The following AJAP1 variants were observed in gnomAD, a reference collection of about 807,000 sequenced individuals.
AJAP1 encodes adherens junctions associated protein 1.
Under a neutral mutation model 35.0 loss-of-function variants are expected in AJAP1, and 5 were observed. The ratio of observed to expected loss-of-function variants is 0.14; its 90% CI spans 0.07 to 0.30. The LOEUF is 0.30. Among genes scored for constraint, AJAP1 ranks in the 10% least tolerant of loss-of-function variants. The pLI is 1.00. For missense variants in AJAP1, 586 were observed against 571.0 expected, an observed-to-expected ratio of 1.03 and a Z score of -0.27; for synonymous variants, 284 against 249.3, an observed-to-expected ratio of 1.14 and a Z score of -1.31.
chr1:4,706,487 C>T (rs1315876447), intron 1 of AJAP1, among the ~76,000 whole-genome samples: 1 of 152,184 alleles, frequency 6.6e-6, no homozygotes, highest in African/African-American at 2.4e-5. Flanking sequence ...ACGACAGGAC[C>T]TGGAGGAGTC....
chr1:4,774,535 C>T lies in AJAP1; in HGVS notation c.*36C>T, dbSNP rs1234713630. 6 of 1,595,094 alleles carry T rather than the reference C, an allele frequency of 3.8e-6. No homozygotes were observed. Among genetic ancestry groups the T allele is most frequent in the Non-Finnish European group, 5.2e-6 (6 of 1,163,354 alleles). On this transcript the variant is annotated 3_prime_UTR_variant, in exon 5 of 6. Coordinates refer to ENST00000378191, the MANE Select transcript of AJAP1 (RefSeq NM_018836.4). ...TCTTTTTTACCTCCTGGGGGCAGGG[C>T]AGACGCCGTGTGTCTGTTTCACGGT...
chr1:4,771,965 G>A (rs1264183939), intron 3 of AJAP1, among the ~76,000 whole-genome samples: 1 of 152,152 alleles, frequency 6.6e-6, no homozygotes, highest in Non-Finnish European at 1.5e-5. Context: ...AACTGAGTCA[G>A]CACCATGGTC....
intron 2 of AJAP1, among the ~76,000 whole-genome samples, chr1:4,742,209 A>G (rs941342600): frequency 2.0e-5 from 3 of 148,636 alleles, no homozygotes; most frequent in African/African-American, 4.9e-5. Context: ...CTTTGCAGGC[A>G]CCTCTGCCCC....
chr1:4,764,876 A>G (rs1641646518), intron 2 of AJAP1, among the ~76,000 whole-genome samples: 1 of 152,128 alleles, frequency 6.6e-6, no homozygotes, highest in African/African-American at 2.4e-5. Flanking sequence ...ATTCAGCTTC[A>G]TTTAATAAGA....
At chr1:4,718,773 G>A (rs963213130) in intron 2 of AJAP1, among the ~76,000 whole-genome samples, 1 of 152,088 alleles carries the variant, frequency 6.6e-6, no homozygotes, top group African/African-American at 2.4e-5. Flanking sequence ...GAGCCACCAC[G>A]CCCGGCCTCC....
rs928574703 is a variant in AJAP1 at position 4,698,725 on chromosome 1, C to A, written c.30-13175C>A. On this transcript the variant is annotated intron_variant, in intron 1 of 5. Coordinates refer to ENST00000378191, the MANE Select transcript of AJAP1 (RefSeq NM_018836.4). The stretch of plus-strand genomic sequence containing the variant: ...TCTAGCTCCTTCTGTAATTTCAGTT[C>A]TTTTATAAGGCCCACCCCTGGCCAT... Among the ~76,000 whole-genome samples, 8 of 152,182 alleles carry A rather than the reference C, an allele frequency of 5.3e-5. No homozygotes were observed. The East Asian group carries it at 7.7e-4, about 15-fold the overall frequency.
chr1:4,727,036 C>T (rs1210916125), intron 2 of AJAP1, among the ~76,000 whole-genome samples: 1 of 152,214 alleles, frequency 6.6e-6, no homozygotes, highest in African/African-American at 2.4e-5. Context: ...GGCCACCCCC[C>T]GCAGCGAGCC....
At chr1:4,674,042 CA>C (rs57335438) in intron 1 of AJAP1, among the ~76,000 whole-genome samples, 3,919 of 81,932 alleles carry the variant, frequency 0.048, 85 homozygotes, top group African/African-American at 0.13. Flanking sequence ...CCCCCGCCAC[CA>C]AAAAAAAAAA....
At chr1:4,671,412 T>C (rs1023609062) in intron 1 of AJAP1, among the ~76,000 whole-genome samples, 2 of 85,990 alleles carry the variant, frequency 2.3e-5, no homozygotes, top group African/African-American at 6.6e-5. Flanking sequence ...CAGGAGGACA[T>C]AGGACATGAT....
chr1:4,689,393 C>T (rs1384449445), intron 1 of AJAP1, among the ~76,000 whole-genome samples: 1 of 152,212 alleles, frequency 6.6e-6, no homozygotes, highest in African/African-American at 2.4e-5. Flanking sequence ...CCTCGCGCAG[C>T]CCACCCACGA....
intron 1 of AJAP1, among the ~76,000 whole-genome samples, chr1:4,670,668 C>T (rs1557601949): frequency 6.6e-6 from 1 of 152,182 alleles, no homozygotes; most frequent in African/African-American, 2.4e-5. Flanking sequence ...CCCAGGTTGT[C>T]GAGCCATGAC....
At chr1:4,698,451 G>A (rs561930863) in intron 1 of AJAP1, among the ~76,000 whole-genome samples, 11 of 152,336 alleles carry the variant, frequency 7.2e-5, no homozygotes, top group Admixed American at 2.6e-4. Context: ...GCTGTTTGAG[G>A]ACTTCTGAGG....
At chr1:4,713,211 A>G (rs1184727138) in intron 2 of AJAP1, among the ~76,000 whole-genome samples, 1 of 152,188 alleles carries the variant, frequency 6.6e-6, no homozygotes, top group Non-Finnish European at 1.5e-5. Flanking sequence ...TCGGTAGAGG[A>G]TTAGGAATGG....
At chr1:4,700,282 G>A (rs541205663) in intron 1 of AJAP1, among the ~76,000 whole-genome samples, 1 of 152,248 alleles carries the variant, frequency 6.6e-6, no homozygotes, top group South Asian at 2.1e-4. Flanking sequence ...AGGTTTGAGG[G>A]AGGCCCTGGG....
intron 2 of AJAP1, among the ~76,000 whole-genome samples, chr1:4,753,753 G>T (rs1342209687): frequency 6.6e-6 from 1 of 152,108 alleles, no homozygotes; most frequent in Non-Finnish European, 1.5e-5. Flanking sequence ...TGTATTTTTA[G>T]TAGAGACAGG....
chr1:4,663,513 C>T (rs776762759), intron 1 of AJAP1, among the ~76,000 whole-genome samples: 92 of 152,306 alleles, frequency 6.0e-4, no homozygotes, highest in Non-Finnish European at 1.2e-3. Flanking sequence ...AGAACATTTC[C>T]CATCCTGGGG....
In AJAP1 at chr1:4,712,504, C is replaced by T. The variant is rs148805869; in HGVS notation, c.634C>T (p.Arg212Trp). ...GPTTVSILQTRKTTVAATTTT... is the reference protein window; with the variant it reads ...GPTTVSILQTWKTTVAATTTT... ...CACCACGGTCTCCATCCTACAAACA[C>T]GGAAGACAACTGTGGCCGCCACCAC... The change falls in exon 2 of 6, where the codon CGG becomes TGG. Residue 212 changes from arginine (R) to tryptophan (W), a missense_variant. By Grantham distance (101) the Arg-to-Trp change is moderately radical. Transcript: ENST00000378191. 12 of 1,612,684 alleles carry T rather than the reference C, an allele frequency of 7.4e-6. 1 individual carries two copies. The African/African-American group carries it at 9.3e-5, about 13-fold the overall frequency.
chr1:4,744,839 G>A (rs1641152801), intron 2 of AJAP1, among the ~76,000 whole-genome samples: 1 of 152,162 alleles, frequency 6.6e-6, no homozygotes, highest in African/African-American at 2.4e-5. Flanking sequence ...ATTTGCCCCT[G>A]CTGGTGTCAC....
chr1:4,669,209 T>C (rs998879912), intron 1 of AJAP1, among the ~76,000 whole-genome samples: 1 of 152,224 alleles, frequency 6.6e-6, no homozygotes, highest in Non-Finnish European at 1.5e-5. Flanking sequence ...CTTTTAGCAG[T>C]CATTCCCCGT....
Sources: gnomAD v4.1 joint callset for allele counts (sites outside exome capture counted in the v4.1 genomes callset) on GRCh38, gnomAD v4.1.1 for gene constraint, MANE v1.5 for transcripts, NCBI Gene and HGNC (gene_info 2026-07-23, HGNC 2026-07-21) for gene names.